The following RNF169 variants were observed in gnomAD, a reference collection of about 807,000 sequenced individuals.
RNF169 encodes ring finger protein 169.
In RNF169, 24 loss-of-function variants were observed where a neutral mutation model predicts 53.9. The ratio of observed to expected loss-of-function variants is 0.45; its 90% CI spans 0.32 to 0.63. The LOEUF (loss-of-function observed/expected upper bound fraction) is 0.63. Among genes scored for constraint, RNF169 ranks in the 20% least tolerant of loss-of-function variants. The probability of loss-of-function intolerance (pLI) is 0.04; values close to 1 mark genes in which losing one functional copy is unlikely to be tolerated. For synonymous variants in RNF169, 396 were observed against 363.5 expected, an observed-to-expected ratio of 1.09 and a Z score of -1.02; for missense variants, 883 against 906.2, an observed-to-expected ratio of 0.97 and a Z score of 0.33.
intron 1 of RNF169, among the ~76,000 whole-genome samples, chr11:74,777,829 T>C (rs1259776478): frequency 6.6e-6 from 1 of 152,128 alleles, no homozygotes; most frequent in African/African-American, 2.4e-5. Flanking sequence ...AGTCTCATTA[T>C]GTTGTCTGGG....
intron 4 of RNF169, among the ~76,000 whole-genome samples, chr11:74,834,402 A>G (rs554609097): frequency 6.6e-6 from 1 of 152,346 alleles, no homozygotes; most frequent in South Asian, 2.1e-4. Context: ...CTCTCTAAGC[A>G]TGTTCAAAAT....
At chr11:74,752,288 A>G (rs1010255194) in intron 1 of RNF169, among the ~76,000 whole-genome samples, 17 of 146,830 alleles carry the variant, frequency 1.2e-4, no homozygotes, top group African/African-American at 3.3e-4. Flanking sequence ...TTACCCCCTT[A>G]TTTCTCACTC....
chr11:74,774,570 T>A (rs1319068726), intron 1 of RNF169, among the ~76,000 whole-genome samples: 1 of 152,188 alleles, frequency 6.6e-6, no homozygotes, highest in Admixed American at 6.5e-5. Flanking sequence ...ACCTTGGACG[T>A]CTTTCTTGGT....
intron 1 of RNF169, among the ~76,000 whole-genome samples, chr11:74,786,119 T>G (rs11236249): frequency 0.041 from 6,254 of 152,040 alleles, 133 homozygotes; most frequent in African/African-American, 0.058. Flanking sequence ...TTTTGTATTT[T>G]TAGGAGAGAC....
intron 4 of RNF169, among the ~76,000 whole-genome samples, chr11:74,819,465 T>C (rs1171956494): frequency 1.3e-5 from 2 of 152,238 alleles, no homozygotes; most frequent in African/African-American, 4.8e-5. Flanking sequence ...CTCTAGACTT[T>C]AAACTCATCA....
At position 74,836,558 on chromosome 11, in the gene RNF169, C is replaced by T; in HGVS notation, c.1955C>T (p.Thr652Ile). The change falls in exon 6 of 6, where the codon ACA becomes ATA. Residue 652 changes from threonine to isoleucine, a missense_variant. Thr to Ile is a moderately conservative substitution (Grantham distance 89). Transcript: ENST00000299563. ...QTSGEVGLAP[T>I]DPVLREMEQK... ...AGTGGGGAGGTGGGTCTGGCCCCAA[C>T]AGACCCAGTCCTGCGAGAGATGGAG... The T allele has an allele frequency of 6.2e-7, 1 of 1,614,146 alleles. No homozygotes were observed. The highest frequency in any genetic ancestry group is 8.5e-7 in the Non-Finnish European group (1 of 1,180,042).
chr11:74,834,835 C>A, intron 5 of RNF169, 60 bp downstream of exon 5: 1 of 1,117,522 alleles, frequency 8.9e-7, no homozygotes. Flanking sequence ...CCCCTCTGCA[C>A]ATGGTCATGA....
In RNF169 at chr11:74,839,178, T is replaced by C. The variant is rs1192172899; in HGVS notation, c.*2448T>C. 6.6e-6 allele frequency: 1 copy of C among 152,154 alleles called. No homozygotes were observed. The highest frequency in any genetic ancestry group is 1.5e-5 in the Non-Finnish European group (1 of 68,030). 9.4% of individuals were successfully genotyped at this position (152,154 alleles called of 1,614,324 possible). ...CTGCCTTCCCCCCTTGTACCTACAG[T>C]GATGCCTAGGATGGTATTGACAGTT... On this transcript the variant is annotated 3_prime_UTR_variant, in exon 6 of 6. Coordinates refer to ENST00000299563, the MANE Select transcript of RNF169 (RefSeq NM_001098638.2).
chr11:74,785,254 G>GAGAT (rs1554994729), intron 1 of RNF169, among the ~76,000 whole-genome samples: 2 of 135,708 alleles, frequency 1.5e-5, no homozygotes, highest in Non-Finnish European at 3.1e-5. Flanking sequence ...ATATATGTTA[G>GAGAT]ATATATATGT....
chr11:74,816,450 T>C (rs2035942918), intron 3 of RNF169, among the ~76,000 whole-genome samples: 1 of 152,210 alleles, frequency 6.6e-6, no homozygotes, highest in East Asian at 1.9e-4. Flanking sequence ...CAAAACTTCA[T>C]TACATTATAT....
At chr11:74,764,030 C>T (rs983839511) in intron 1 of RNF169, among the ~76,000 whole-genome samples, 1 of 152,140 alleles carries the variant, frequency 6.6e-6, no homozygotes, top group Non-Finnish European at 1.5e-5. Flanking sequence ...GAATTAACAA[C>T]AGAAAAGCAG....
At position 74,817,610 on chromosome 11, in the gene RNF169, C is replaced by G. The variant is rs1591424948; in HGVS notation, c.738C>G (p.Leu246=). 6.2e-7 allele frequency: 1 copy of G among 1,612,892 alleles called. No homozygotes were observed. Among genetic ancestry groups the G allele is most frequent in the Non-Finnish European group, 8.5e-7 (1 of 1,178,882 alleles). ...KTNLERCPAR[L]SDSENEEPSR... ...CTCCCTGCCAGTGTCCTGCACGTCTCTCAGATTCAGAGAATGAAGAACCTT... is the reference window on the plus strand; with the variant it reads ...CTCCCTGCCAGTGTCCTGCACGTCTGTCAGATTCAGAGAATGAAGAACCTT... Residue 246 remains leucine (L), a synonymous_variant, in exon 4 of 6, where the codon CTC becomes CTG. Coordinates refer to ENST00000299563, the MANE Select transcript of RNF169 (RefSeq NM_001098638.2).
intron 1 of RNF169, among the ~76,000 whole-genome samples, chr11:74,783,509 C>T (rs898181667): frequency 6.6e-6 from 1 of 152,164 alleles, no homozygotes; most frequent in Admixed American, 6.5e-5. Flanking sequence ...TTCAGTATCT[C>T]AGTGACACCT....
chr11:74,815,283 C>T (rs764715487), intron 3 of RNF169, among the ~76,000 whole-genome samples: 32 of 152,018 alleles, frequency 2.1e-4, no homozygotes, highest in Non-Finnish European at 4.1e-4. Flanking sequence ...GCGCTGGGCG[C>T]GGTGGCTCAC....
intron 2 of RNF169, among the ~76,000 whole-genome samples, chr11:74,801,424 G>C (rs1478151678): frequency 6.6e-6 from 1 of 152,174 alleles, no homozygotes; most frequent in African/African-American, 2.4e-5. Flanking sequence ...AGGATATAAA[G>C]CATCAATTGC....
chr11:74,808,467 C>T (rs972490277), intron 2 of RNF169, among the ~76,000 whole-genome samples: 11 of 152,156 alleles, frequency 7.2e-5, no homozygotes, highest in African/African-American at 2.4e-4. Flanking sequence ...CCAGACTTGC[C>T]GAATGTTCTG....
At chr11:74,805,392 A>G (rs1231444267) in intron 2 of RNF169, among the ~76,000 whole-genome samples, 4 of 152,210 alleles carry the variant, frequency 2.6e-5, no homozygotes, top group Non-Finnish European at 1.5e-5. Context: ...AATAGGTTCA[A>G]AAGGACTTTC....
intron 1 of RNF169, among the ~76,000 whole-genome samples, chr11:74,785,162 T>TATATATATATCATATATATATATG (rs1565176415): frequency 1.6e-5 from 2 of 126,502 alleles, no homozygotes; most frequent in East Asian, 2.1e-4. Flanking sequence ...TATTTTTATA[T>TATATATATATCATATATATATATG]ATATATATAT....
chr11:74,774,168 T>C lies in RNF169; in HGVS notation c.503-15458T>C, dbSNP rs184380784. Among the ~76,000 whole-genome samples, 409 of 151,982 alleles carry C rather than the reference T, an allele frequency of 2.7e-3. 2 individuals are homozygous for C. The highest frequency in any genetic ancestry group is 9.6e-3 in the African/African-American group (399 of 41,478). On this transcript the variant is annotated intron_variant, in intron 1 of 5. Coordinates refer to ENST00000299563, the MANE Select transcript of RNF169 (RefSeq NM_001098638.2). ...CAGCCTGGCCAACATGGTGAAACCCTGTCTCTGCTAAAAACACACACACAC... is the reference window on the plus strand; with the variant it reads ...CAGCCTGGCCAACATGGTGAAACCCCGTCTCTGCTAAAAACACACACACAC...
Sources: allele counts gnomAD v4.1 joint callset (sites outside exome capture counted in the v4.1 genomes callset), GRCh38; gene constraint gnomAD v4.1.1; transcripts MANE v1.5; gene names NCBI Gene and HGNC (gene_info 2026-07-23, HGNC 2026-07-21).